The following CDKAL1 variants were observed in gnomAD, a reference collection of about 807,000 sequenced individuals.
CDKAL1 encodes threonylcarbamoyladenosine tRNA methylthiotransferase.
A neutral mutation model predicts 68.2 loss-of-function variants in CDKAL1; 32 were observed. The observed-to-expected ratio is 0.47, with a 90% CI of 0.35 to 0.63. The LOEUF (loss-of-function observed/expected upper bound fraction) is 0.63. Ranked by LOEUF, CDKAL1 falls within the 30% of genes least tolerant of loss-of-function variation. The pLI, the probability that CDKAL1 is intolerant of heterozygous loss-of-function variation, is 0.00. For synonymous variants in CDKAL1, 234 were observed against 244.3 expected (o/e 0.96, Z 0.39); for missense variants, 606 against 696.7 (o/e 0.87, Z 1.47).
intron 4 of CDKAL1, among the ~76,000 whole-genome samples, chr6:20,627,340 C>T (rs1230935363): frequency 6.6e-6 from 1 of 152,054 alleles, no homozygotes; most frequent in African/African-American, 2.4e-5. Flanking sequence ...TCAAAATAGT[C>T]ATTGGTCCAC....
At chr6:20,639,742 C>T (rs1768078169) in intron 4 of CDKAL1, among the ~76,000 whole-genome samples, 1 of 152,210 alleles carries the variant, frequency 6.6e-6, no homozygotes, top group South Asian at 2.1e-4. Context: ...GCGATCTCGG[C>T]TCACTGCAAC....
chr6:20,634,248 A>G (rs1767799027), intron 4 of CDKAL1, among the ~76,000 whole-genome samples: 1 of 152,188 alleles, frequency 6.6e-6, no homozygotes, highest in South Asian at 2.1e-4. Context: ...CAAATATTTG[A>G]ATAAGGAAGG....
At chr6:20,842,940 G>A (rs1255043611) in intron 8 of CDKAL1, among the ~76,000 whole-genome samples, 2 of 152,120 alleles carry the variant, frequency 1.3e-5, no homozygotes, top group East Asian at 3.9e-4. Flanking sequence ...AATATTCTTA[G>A]TTGCTTATTT....
At chr6:20,824,942 TC>T (rs762037193) in intron 8 of CDKAL1, among the ~76,000 whole-genome samples, 46,895 of 152,000 alleles carry the variant, frequency 0.31, 7,531 homozygotes, top group East Asian at 0.53. Flanking sequence ...AGCTAATATA[TC>T]TTGCTTCTTT....
chr6:21,134,878 C>A (rs779623557), intron 13 of CDKAL1, among the ~76,000 whole-genome samples: 3 of 151,994 alleles, frequency 2.0e-5, no homozygotes, highest in Non-Finnish European at 4.4e-5. Context: ...TCCAGCTCTC[C>A]CCTCTCTTAT....
At chr6:20,949,320 T>G (rs1764409528) in intron 9 of CDKAL1, among the ~76,000 whole-genome samples, 1 of 152,226 alleles carries the variant, frequency 6.6e-6, no homozygotes, top group African/African-American at 2.4e-5. Context: ...TTTGCAACAT[T>G]CAAGCTGCAT....
At chr6:20,721,739 T>TTG (rs1388165578) in intron 5 of CDKAL1, among the ~76,000 whole-genome samples, 1 of 141,112 alleles carries the variant, frequency 7.1e-6, no homozygotes, top group African/African-American at 2.7e-5. Context: ...TTTTTTTTTT[T>TTG]TTTTTTTTTT....
chr6:20,973,078 C>A (rs190366440), intron 10 of CDKAL1, among the ~76,000 whole-genome samples: 15 of 136,224 alleles, frequency 1.1e-4, no homozygotes, highest in African/African-American at 8.2e-5. Context: ...AACTCCGTCT[C>A]AAAAAAAAAA....
At chr6:21,124,681 A>C (rs1205442289) in intron 13 of CDKAL1, among the ~76,000 whole-genome samples, 1 of 151,210 alleles carries the variant, frequency 6.6e-6, no homozygotes, top group Admixed American at 6.6e-5. Context: ...GAACGAGGTC[A>C]AATCTAGATA....
At chr6:21,109,347 G>A (rs1353201377) in intron 13 of CDKAL1, among the ~76,000 whole-genome samples, 1 of 152,162 alleles carries the variant, frequency 6.6e-6, no homozygotes, top group Non-Finnish European at 1.5e-5. Flanking sequence ...ATGTGGTAGG[G>A]ATTTTTTAAC....
chr6:20,572,822 A>T (rs752247101), intron 4 of CDKAL1, among the ~76,000 whole-genome samples: 2 of 152,116 alleles, frequency 1.3e-5, no homozygotes, highest in Non-Finnish European at 2.9e-5. Context: ...CTAATTGCAT[A>T]CTTTATTTCT....
At chr6:21,120,493 A>G (rs936657743) in intron 13 of CDKAL1, among the ~76,000 whole-genome samples, 2 of 152,200 alleles carry the variant, frequency 1.3e-5, no homozygotes, top group Admixed American at 6.5e-5. Flanking sequence ...TAAGTAATAC[A>G]TGCACTTAAT....
At chr6:21,144,200 T>C (rs1312941486) in intron 13 of CDKAL1, among the ~76,000 whole-genome samples, 1 of 152,186 alleles carries the variant, frequency 6.6e-6, no homozygotes, top group Non-Finnish European at 1.5e-5. Flanking sequence ...CTCAAACAAG[T>C]TATTTGACTT....
intron 10 of CDKAL1, among the ~76,000 whole-genome samples, chr6:20,984,589 G>C (rs1295586214): frequency 6.6e-6 from 1 of 152,156 alleles, no homozygotes. Context: ...ATTAGAGATG[G>C]TAAATGCAGA....
intron 13 of CDKAL1, among the ~76,000 whole-genome samples, chr6:21,195,473 TTTTTTTTATTTA>T (rs1160921714): frequency 0.017 from 2,003 of 118,134 alleles, 27 homozygotes; most frequent in Non-Finnish European, 0.024. Flanking sequence ...TCTGGAGATG[TTTTTTTTATTTA>T]TTTATTTATT....
chr6:20,766,406 C>T (rs76223955), intron 7 of CDKAL1, among the ~76,000 whole-genome samples: 1,785 of 152,120 alleles, frequency 0.012, 29 homozygotes, highest in African/African-American at 0.04. Flanking sequence ...ATTTGATTGC[C>T]GTAAGCAAGG....
At chr6:20,585,940 G>A (rs1765337053) in intron 4 of CDKAL1, among the ~76,000 whole-genome samples, 2 of 151,846 alleles carry the variant, frequency 1.3e-5, no homozygotes, top group African/African-American at 4.8e-5. Context: ...TATTTACCAT[G>A]TCCAAAACTA....
intron 5 of CDKAL1, among the ~76,000 whole-genome samples, chr6:20,652,866 C>A (rs1193095227): frequency 6.6e-6 from 1 of 152,202 alleles, no homozygotes; most frequent in Non-Finnish European, 1.5e-5. Context: ...TCAATCATAA[C>A]TCCCAAGAAG....
chr6:20,952,059 C>T (rs1160394447), intron 9 of CDKAL1, among the ~76,000 whole-genome samples: 3 of 150,488 alleles, frequency 2.0e-5, no homozygotes, highest in African/African-American at 4.9e-5. Flanking sequence ...CCCAGGTTCA[C>T]ACCATTCTTC....
Sources: allele counts gnomAD v4.1 joint callset (sites outside exome capture counted in the v4.1 genomes callset), GRCh38; gene constraint gnomAD v4.1.1; transcripts MANE v1.5; gene names NCBI Gene and HGNC (gene_info 2026-07-23, HGNC 2026-07-21).